KCNV2: variants seen among roughly 807,000 people sequenced by gnomAD.
KCNV2 encodes potassium voltage-gated channel subfamily V member 2.
In KCNV2, 65 loss-of-function variants were observed where a neutral mutation model predicts 37.0. The observed-to-expected ratio is 1.76, with a 90% confidence interval of 1.44 to 2.16. KCNV2 has a LOEUF of 2.16. Ranked by LOEUF, KCNV2 falls within the 30% of genes most tolerant of loss-of-function variation. KCNV2 has a pLI of 0.00. For synonymous variants in KCNV2, 518 were observed against 328.6 expected (o/e 1.58, Z -6.23); for missense variants, 1,232 against 766.7 (o/e 1.61, Z -7.17).
At chr9:2,728,063 G>A (rs1239131479) in intron 1 of KCNV2, among the ~76,000 whole-genome samples, 1 of 152,040 alleles carries the variant, frequency 6.6e-6, no homozygotes, top group East Asian at 1.9e-4. Flanking sequence ...CTTTTTTCGT[G>A]GGCTGGATGG....
chr9:2,726,869 G>A (rs1481166196), intron 1 of KCNV2, among the ~76,000 whole-genome samples: 1 of 152,120 alleles, frequency 6.6e-6, no homozygotes, highest in African/African-American at 2.4e-5. Flanking sequence ...TGTTAACTGC[G>A]CATGGGAGGG....
chr9:2,717,932 G>C lies in KCNV2; in HGVS notation c.193G>C (p.Asp65His), dbSNP rs745416881. Residue 65 changes from aspartate (D) to histidine (H), a missense_variant, in exon 1 of 2, where the codon GAC becomes CAC. Coordinates refer to ENST00000382082, the MANE Select transcript of KCNV2 (RefSeq NM_133497.4). ...IEEDEDGEEE[D>H]QWKDDLAEED... ...GGAAGACGAAGACGGCGAGGAGGAG[G>C]ACCAGTGGAAGGACGACCTGGCAGA... The C allele has an allele frequency of 1.1e-5, 17 of 1,613,934 alleles. No homozygotes were observed. In the East Asian group the frequency reaches 2.5e-4, roughly 23 times the overall value.
Position 2,729,634 on chromosome 9 carries a change from G to A in KCNV2, c.1545G>A (p.Arg515=). ...AGTATACCACCATACGCAGGGAGAG[G>A]GGAGAGGTGAACTTCATGCAGAGAG... ...AYEYTTIRRE[R]GEVNFMQRAR... is the part of the protein sequence containing the mutation. Residue 515 remains arginine, a synonymous_variant, in exon 2 of 2, where the codon AGG becomes AGA. Coordinates refer to ENST00000382082, the MANE Select transcript of KCNV2 (RefSeq NM_133497.4). The A allele has an allele frequency of 6.2e-7, 1 of 1,614,126 alleles. No homozygotes were observed. The highest frequency in any genetic ancestry group is 8.5e-7 in the Non-Finnish European group (1 of 1,180,010).
chr9:2,724,029 G>T (rs570582111), intron 1 of KCNV2, among the ~76,000 whole-genome samples: 1 of 150,168 alleles, frequency 6.7e-6, no homozygotes, highest in Non-Finnish European at 1.5e-5. Context: ...TTTGCCGGGG[G>T]TTGGGGGGTG....
chr9:2,724,186 A>T (rs900184747), intron 1 of KCNV2, among the ~76,000 whole-genome samples: 1 of 151,604 alleles, frequency 6.6e-6, no homozygotes, highest in Non-Finnish European at 1.5e-5. Flanking sequence ...CTAACTTCTC[A>T]AAAAGAAAAT....
Position 2,729,604 on chromosome 9 carries a change from T to C in KCNV2, c.1515T>C (p.Ala505=), listed in dbSNP as rs1563800840. The C allele has an allele frequency of 2.5e-6, 4 of 1,614,094 alleles. No homozygotes were observed. Among genetic ancestry groups the C allele is most frequent in the Non-Finnish European group, 3.4e-6 (4 of 1,180,008 alleles). ...CTGATTACTACAGCAAGCTGAAGGC[T>C]TATGAGTATACCACCATACGCAGGG... ...KFSDYYSKLK[A]YEYTTIRRER... The change falls in exon 2 of 2, where the codon GCT becomes GCC. Residue 505 remains alanine (A), a synonymous_variant. Coordinates refer to ENST00000382082, the MANE Select transcript of KCNV2 (RefSeq NM_133497.4).
At chr9:2,726,157 C>T (rs1304787783) in intron 1 of KCNV2, among the ~76,000 whole-genome samples, 1 of 152,098 alleles carries the variant, frequency 6.6e-6, no homozygotes, top group Non-Finnish European at 1.5e-5. Flanking sequence ...GCTTTTAATT[C>T]CCATCTAGGG....
chr9:2,722,393 GAAGTTATTTATAAAT>G (rs1251944953), intron 1 of KCNV2, among the ~76,000 whole-genome samples: 2 of 133,294 alleles, frequency 1.5e-5, no homozygotes, highest in East Asian at 2.1e-4. Context: ...AAATAAATTA[GAAGTTATTTATAAAT>G]AAGTTATTTA....
intron 1 of KCNV2, among the ~76,000 whole-genome samples, chr9:2,723,984 C>T (rs1389638514): frequency 2.0e-5 from 3 of 148,238 alleles, no homozygotes; most frequent in African/African-American, 2.5e-5. Flanking sequence ...TTTTTAGCCT[C>T]AACATATGAC....
At chr9:2,723,169 T>C (rs968701307) in intron 1 of KCNV2, among the ~76,000 whole-genome samples, 1 of 152,170 alleles carries the variant, frequency 6.6e-6, no homozygotes, top group African/African-American at 2.4e-5. Context: ...TATCAGAAAG[T>C]ATACACTCAC....
At chr9:2,720,285 T>C (rs1365477187) in intron 1 of KCNV2, among the ~76,000 whole-genome samples, 1 of 152,212 alleles carries the variant, frequency 6.6e-6, no homozygotes, top group East Asian at 1.9e-4. Flanking sequence ...TAATTAACCA[T>C]GACCCTGAAT....
intron 1 of KCNV2, among the ~76,000 whole-genome samples, chr9:2,722,903 AAG>A (rs113090855): frequency 0.053 from 8,128 of 152,156 alleles, 734 homozygotes; most frequent in African/African-American, 0.19. Flanking sequence ...GGCAAAGAAC[AAG>A]AGAGAGAATG....
Position 2,718,889 on chromosome 9 carries a change from A to G in KCNV2, c.1150A>G (p.Ile384Val). 1.9e-6 allele frequency: 3 copies of G among 1,608,370 alleles called. No individual in the cohort carries two copies. Among genetic ancestry groups the G allele is most frequent in the Non-Finnish European group, 2.5e-6 (3 of 1,179,438 alleles). ...QVLRVMRLMR[I>V]FRILKLARHS... is the part of the protein sequence containing the mutation. Reference sequence around the variant, plus strand: ...GTTGCGCGTCATGCGCCTCATGCGCATCTTCCGCATCCTCAAGCTGGCGCG... The same window carrying G: ...GTTGCGCGTCATGCGCCTCATGCGCGTCTTCCGCATCCTCAAGCTGGCGCG... Residue 384 changes from isoleucine to valine, a missense_variant, in exon 1 of 2, where the codon ATC becomes GTC. Coordinates refer to ENST00000382082, the MANE Select transcript of KCNV2 (RefSeq NM_133497.4).
At chr9:2,720,029 G>C (rs1399137291) in intron 1 of KCNV2, among the ~76,000 whole-genome samples, 1 of 152,254 alleles carries the variant, frequency 6.6e-6, no homozygotes, top group Non-Finnish European at 1.5e-5. Context: ...CGGCATATAT[G>C]AAGGAAAGAA....
In KCNV2 at chr9:2,717,933, A is replaced by G; in HGVS notation, c.194A>G (p.Asp65Gly). Residue 65 changes from aspartate (D) to glycine (G), a missense_variant, in exon 1 of 2, where the codon GAC (aspartate) becomes GGC (glycine). Asp to Gly is a moderately conservative substitution (Grantham distance 94). Transcript: ENST00000382082. ...IEEDEDGEEE[D>G]QWKDDLAEED... ...GAAGACGAAGACGGCGAGGAGGAGG[A>G]CCAGTGGAAGGACGACCTGGCAGAA... 6.2e-7 allele frequency: 1 copy of G among 1,613,990 alleles called. No individual in the cohort carries two copies. The highest frequency in any genetic ancestry group is 8.5e-7 in the Non-Finnish European group (1 of 1,179,886).
At chr9:2,727,775 A>G (rs937878625) in intron 1 of KCNV2, among the ~76,000 whole-genome samples, 5 of 152,132 alleles carry the variant, frequency 3.3e-5, no homozygotes, top group South Asian at 2.1e-4. Flanking sequence ...TTCAATTCCT[A>G]TAACAACTCT....
chr9:2,724,132 GAAACC>G (rs1819930807), intron 1 of KCNV2, among the ~76,000 whole-genome samples: 2 of 151,900 alleles, frequency 1.3e-5, no homozygotes, highest in South Asian at 4.2e-4. Context: ...TAAAGCTGTA[GAAACC>G]AAACAGGAAA....
chr9:2,718,613 G>A lies in KCNV2; in HGVS notation c.874G>A (p.Gly292Ser), dbSNP rs142521710. ...VEEMQQHSGQ[G>S]EGGPDLRPIL... ...GGAGATGCAGCAGCACTCGGGGCAG[G>A]GCGAGGGCGGCCCAGACCTGCGGCC... Residue 292 changes from glycine (G) to serine (S), a missense_variant, in exon 1 of 2, where the codon GGC (glycine) becomes AGC (serine). Gly to Ser is a moderately conservative substitution (Grantham distance 56). Coordinates refer to ENST00000382082, the MANE Select transcript of KCNV2 (RefSeq NM_133497.4). 2.5e-5 allele frequency: 40 copies of A among 1,613,004 alleles called. No individual in the cohort carries two copies. Among genetic ancestry groups the A allele is most frequent in the Non-Finnish European group, 3.4e-5 (40 of 1,179,836 alleles).
chr9:2,724,932 T>A (rs1819945471), intron 1 of KCNV2, among the ~76,000 whole-genome samples: 1 of 152,214 alleles, frequency 6.6e-6, no homozygotes, highest in African/African-American at 2.4e-5. Context: ...GAGTTCTACC[T>A]CCTTCAGAAG....
Sources: gnomAD v4.1 joint callset for allele counts (sites outside exome capture counted in the v4.1 genomes callset) on GRCh38, gnomAD v4.1.1 for gene constraint, MANE v1.5 for transcripts, NCBI Gene and HGNC (gene_info 2026-07-23, HGNC 2026-07-21) for gene names.